MIER2: variants seen among roughly 807,000 people sequenced by gnomAD.
MIER2 encodes mesoderm induction early response protein 2.
Under a neutral mutation model 67.6 loss-of-function variants are expected in MIER2, and 30 were observed. The observed-to-expected ratio is 0.44, with a 90% confidence interval of 0.33 to 0.60. The LOEUF is 0.60. Ranked by LOEUF, MIER2 falls within the 20% of genes least tolerant of loss-of-function variation. MIER2 has a pLI of 0.02. For missense variants in MIER2, 702 were observed against 745.1 expected, an observed-to-expected ratio of 0.94 and a Z score of 0.67; for synonymous variants, 372 against 312.6, an observed-to-expected ratio of 1.19 and a Z score of -2.00.
intron 3 of MIER2, among the ~76,000 whole-genome samples, chr19:333,117 C>T (rs1181124380): frequency 1.1e-5 from 1 of 90,788 alleles, no homozygotes; most frequent in African/African-American, 5.8e-5. Flanking sequence ...CTCAGCCTCC[C>T]GAGTAGCTGG....
At chr19:323,751 A>G (rs1041992045) in intron 7 of MIER2, among the ~76,000 whole-genome samples, 1 of 152,074 alleles carries the variant, frequency 6.6e-6, no homozygotes, top group Non-Finnish European at 1.5e-5. Flanking sequence ...CGTCATCACA[A>G]TGCAATACAC....
intron 13 of MIER2, 57 bp downstream of exon 13, chr19:307,062 G>T: frequency 6.6e-7 from 1 of 1,514,948 alleles, no homozygotes; most frequent in Non-Finnish European, 8.9e-7. Flanking sequence ...TCAGCCTGAG[G>T]GCTGGGGGGA....
intron 1 of MIER2, chr19:344,531 C>T (rs1972653502): frequency 6.1e-6 from 2 of 329,820 alleles, no homozygotes; most frequent in Non-Finnish European, 8.6e-6. Flanking sequence ...CGCGCCGCCG[C>T]GCATGCGCAC....
intron 2 of MIER2, among the ~76,000 whole-genome samples, chr19:335,566 G>A (rs1400286898): frequency 6.6e-6 from 1 of 152,202 alleles, no homozygotes. Context: ...AAGGAGCCCA[G>A]CCAGGGGAAG....
chr19:338,575 C>T (rs1972367884), intron 1 of MIER2, among the ~76,000 whole-genome samples: 1 of 142,628 alleles, frequency 7.0e-6, no homozygotes, highest in African/African-American at 2.9e-5. Context: ...ACCCACGAGC[C>T]GATTTCAAAA....
chr19:310,473 T>G (rs905866427), intron 10 of MIER2, among the ~76,000 whole-genome samples: 4 of 119,342 alleles, frequency 3.4e-5, no homozygotes, highest in African/African-American at 1.5e-4. Context: ...GGCCAGGACC[T>G]GCCCGGAGCT....
intron 3 of MIER2, among the ~76,000 whole-genome samples, chr19:328,292 G>C (rs1012538210): frequency 6.6e-6 from 1 of 152,084 alleles, no homozygotes; most frequent in East Asian, 1.9e-4. Context: ...GTGTGACACA[G>C]GGTGAATTAC....
At chr19:316,439 C>T (rs940093751) in intron 7 of MIER2, among the ~76,000 whole-genome samples, 2 of 151,920 alleles carry the variant, frequency 1.3e-5, no homozygotes, top group African/African-American at 4.8e-5. Context: ...ACTACAGGTG[C>T]CCACCACGCC....
intron 1 of MIER2, chr19:344,264 G>A (rs894642162): frequency 2.0e-5 from 20 of 985,232 alleles, no homozygotes; most frequent in Non-Finnish European, 2.4e-5. Context: ...GTCTGACCCA[G>A]CCCCGCCGGG....
chr19:319,995 G>T (rs548283722), intron 7 of MIER2, among the ~76,000 whole-genome samples: 2 of 152,218 alleles, frequency 1.3e-5, no homozygotes, highest in East Asian at 3.9e-4. Context: ...TGCTCACAGC[G>T]AGCATGTAAT....
Position 313,475 on chromosome 19 carries a change from G to A in MIER2, c.807+17C>T, listed in dbSNP as rs200543982. 2.4e-5 allele frequency: 38 copies of A among 1,607,380 alleles called. No homozygotes were observed. The highest frequency in any genetic ancestry group is 1.2e-4 in the African/African-American group (9 of 75,014). On this transcript the variant is annotated intron_variant, in intron 8 of 13. Coordinates refer to ENST00000264819, the MANE Select transcript of MIER2 (RefSeq NM_017550.3). ...GGCAGCCCTCAGCCCCTCTGTCCCC[G>A]GCATGGCAGCCCCCACCTGCTCACT...
rs549065511 is a variant in MIER2, at chr19:329,136, A to G, written c.244-1147T>C. 3.9e-5 allele frequency among the ~76,000 whole-genome samples: 6 copies of G among 152,090 alleles called. No homozygotes were observed. In the South Asian group the frequency reaches 1.2e-3, roughly 32 times the overall value. Reference sequence around the variant, plus strand: ...GAACACTCCCTCTCATTCTCTCAAGATGTTAGCACTGGCCTCCCCTCCACC... The same window carrying G: ...GAACACTCCCTCTCATTCTCTCAAGGTGTTAGCACTGGCCTCCCCTCCACC... On this transcript the variant is annotated intron_variant, in intron 3 of 13. Coordinates refer to ENST00000264819, the MANE Select transcript of MIER2 (RefSeq NM_017550.3).
intron 1 of MIER2, among the ~76,000 whole-genome samples, chr19:339,907 C>A (rs1212985336): frequency 6.6e-6 from 1 of 152,096 alleles, no homozygotes; most frequent in Admixed American, 6.5e-5. Flanking sequence ...GGTGGCTGCA[C>A]AACTGGGTGA....
At position 336,126 on chromosome 19, in the gene MIER2, C is replaced by T; in HGVS notation, c.57G>A (p.Glu19=). ...CCGGCTCCCCTGGGCACAGGCTGTG[C>T]TCGAGGCAGGAGACCACGCGAGGAC... ...RQSPRVVSCL[E]HSLCPGEPGL... is the part of the protein sequence containing the mutation. The change falls in exon 2 of 14, where the codon GAG becomes GAA. Residue 19 remains glutamate, a synonymous_variant. Coordinates refer to ENST00000264819, the MANE Select transcript of MIER2 (RefSeq NM_017550.3). 1 of 1,613,902 alleles carries T rather than the reference C, an allele frequency of 6.2e-7. No homozygotes were observed. The highest frequency in any genetic ancestry group is 1.1e-5 in the South Asian group (1 of 91,048).
At chr19:336,237 G>A (rs1295889266) in intron 1 of MIER2, 64 bp from the exon 2 acceptor site, 1 of 1,380,338 alleles carries the variant, frequency 7.2e-7, no homozygotes, top group South Asian at 1.2e-5. Context: ...ACATCACAGT[G>A]TGGCAGCCAA....
chr19:334,447 A>C lies in MIER2; in HGVS notation c.196T>G (p.Cys66Gly), dbSNP rs1972150354. ...VRGECEEASR[C>G]PDKPKEELEK... ...AGCTCCTCCTTGGGCTTGTCTGGGCACCTCGAGGCCTCCTCGCACTCCCCC... is the reference window on the plus strand; with the variant it reads ...AGCTCCTCCTTGGGCTTGTCTGGGCCCCTCGAGGCCTCCTCGCACTCCCCC... Residue 66 changes from cysteine to glycine, a missense_variant, in exon 3 of 14, where the codon TGC becomes GGC. Physicochemically the swap from Cys to Gly is radical, Grantham distance 159. This residue lies in a region of MIER2 where 320 missense variants were observed against 292.6 expected (regional missense o/e 1.09). Coordinates refer to ENST00000264819, the MANE Select transcript of MIER2 (RefSeq NM_017550.3). 2.5e-6 allele frequency: 4 copies of C among 1,614,000 alleles called. No homozygotes were observed. The highest frequency in any genetic ancestry group is 3.4e-6 in the Non-Finnish European group (4 of 1,180,018).
intron 1 of MIER2, among the ~76,000 whole-genome samples, chr19:337,871 A>C (rs1306046500): frequency 3.3e-5 from 1 of 30,572 alleles, no homozygotes; most frequent in Non-Finnish European, 8.0e-5. Flanking sequence ...TCCATCTCAC[A>C]AAAAAAAAAA....
chr19:340,012 T>C (rs747125434), intron 1 of MIER2, among the ~76,000 whole-genome samples: 2 of 152,142 alleles, frequency 1.3e-5, no homozygotes, highest in Non-Finnish European at 2.9e-5. Flanking sequence ...AAAGGGTAGA[T>C]TAAAATATTT....
rs754946319 is a variant in MIER2 at position 308,773 on chromosome 19, C to T, written c.1109+28G>A. Reference sequence around the variant, plus strand: ...CACCCCCGGCGGGGTGGCCGCCTGTCGTTACTGCTGGGGAGGGCTGCACGC... The same window carrying T: ...CACCCCCGGCGGGGTGGCCGCCTGTTGTTACTGCTGGGGAGGGCTGCACGC... On this transcript the variant is annotated intron_variant, in intron 11 of 13. Transcript: ENST00000264819. The surrounding 1 kb of genome is among the most constrained non-coding windows in gnomAD (Gnocchi z 9.1). The T allele has an allele frequency of 5.6e-6, 9 of 1,595,322 alleles. No homozygotes were observed. The Admixed American group carries it at 6.7e-5, about 12-fold the overall frequency.
Sources: gnomAD v4.1 joint callset for allele counts (sites outside exome capture counted in the v4.1 genomes callset) on GRCh38, gnomAD v4.1.1 for gene constraint, gnomAD v4.1.1 regional missense constraint, Gnocchi (gnomAD v3.1) non-coding constraint, MANE v1.5 for transcripts, NCBI Gene and HGNC (gene_info 2026-07-23, HGNC 2026-07-21) for gene names.